The following CHRM3 variants were observed in gnomAD, a reference collection of about 807,000 sequenced individuals.
CHRM3 encodes cholinergic receptor muscarinic 3, also known as muscarinic acetylcholine receptor M3.
In CHRM3, 11 loss-of-function variants were observed where a neutral mutation model predicts 41.8. The observed-to-expected ratio is 0.26, with a 90% CI of 0.17 to 0.44. The LOEUF (loss-of-function observed/expected upper bound fraction) is 0.44. CHRM3 is among the 20% of genes least tolerant of loss of function. The probability of loss-of-function intolerance (pLI) is 1.00; values close to 1 mark genes in which losing one functional copy is unlikely to be tolerated. For missense variants in CHRM3, 571 were observed against 745.4 expected (o/e 0.77, Z 2.72); for synonymous variants, 297 against 301.4 (o/e 0.99, Z 0.15).
chr1:239,431,077 G>C (rs552788669), intron 1 of CHRM3, among the ~76,000 whole-genome samples: 1 of 152,202 alleles, frequency 6.6e-6, no homozygotes, highest in Non-Finnish European at 1.5e-5. Context: ...CTGTGAATGA[G>C]TGGAAAGGAC....
chr1:239,421,512 C>T (rs1395132313), intron 1 of CHRM3, among the ~76,000 whole-genome samples: 1 of 152,080 alleles, frequency 6.6e-6, no homozygotes, highest in Non-Finnish European at 1.5e-5. Flanking sequence ...ATTAAATCCC[C>T]CTTTAAAATG....
chr1:239,422,970 C>T lies in CHRM3; in HGVS notation c.-521+35743C>T, dbSNP rs552540260. 1.2e-4 allele frequency among the ~76,000 whole-genome samples: 19 copies of T among 152,074 alleles called. 1 individual carries two copies. The highest frequency in any genetic ancestry group is 7.2e-4 in the Admixed American group (11 of 15,276). Reference sequence around the variant, plus strand: ...GAAATAAAAGAATGATAGGAGAGGGCGGGCTTCAAAGATCCTAAGTTCTGA... The same window carrying T: ...GAAATAAAAGAATGATAGGAGAGGGTGGGCTTCAAAGATCCTAAGTTCTGA... On this transcript the variant is annotated intron_variant, in intron 1 of 6. Transcript: ENST00000676153.
intron 3 of CHRM3, among the ~76,000 whole-genome samples, chr1:239,606,931 G>A (rs1487302581): frequency 6.6e-6 from 1 of 151,972 alleles, no homozygotes; most frequent in Admixed American, 6.6e-5. Context: ...CCTGAAAGGG[G>A]GCCTATGTCC....
chr1:239,413,781 G>T (rs1017747891), intron 1 of CHRM3, among the ~76,000 whole-genome samples: 1 of 152,162 alleles, frequency 6.6e-6, no homozygotes, highest in East Asian at 1.9e-4. Context: ...ATAGTTCTGC[G>T]GTGTGGAGAA....
At chr1:239,551,487 G>A in intron 3 of CHRM3, among the ~76,000 whole-genome samples, 1 of 149,398 alleles carries the variant, frequency 6.7e-6, no homozygotes, top group East Asian at 2.0e-4. Flanking sequence ...GTAGATTTAA[G>A]CTATTTGTTT....
chr1:239,781,149 C>T lies in CHRM3; in HGVS notation c.-146-46103C>T, dbSNP rs185967169. ...TTGCCCATATACACAAAATAACTTT[C>T]TGGGATTTTGATTGGGATTGTATTG... On this transcript the variant is annotated intron_variant, in intron 5 of 6. Transcript: ENST00000676153. Among the ~76,000 whole-genome samples the T allele has an allele frequency of 2.7e-3, 413 of 152,194 alleles. 3 individuals carry two copies. The highest frequency in any genetic ancestry group is 9.5e-3 in the African/African-American group (396 of 41,554).
intron 6 of CHRM3, among the ~76,000 whole-genome samples, chr1:239,841,382 C>T (rs1006070679): frequency 2.6e-5 from 4 of 152,172 alleles, no homozygotes; most frequent in East Asian, 1.9e-4. Flanking sequence ...AGCAGAATTA[C>T]GTTCGTTACC....
chr1:239,451,657 T>G (rs1558234087), intron 1 of CHRM3, among the ~76,000 whole-genome samples: 1 of 152,162 alleles, frequency 6.6e-6, no homozygotes, highest in African/African-American at 2.4e-5. Context: ...ATTTCAAACT[T>G]TAATAAGATA....
Position 239,402,499 on chromosome 1 carries a change from C to T in CHRM3, c.-521+15272C>T, listed in dbSNP as rs542959662. Among the ~76,000 whole-genome samples the T allele has an allele frequency of 3.0e-4, 45 of 152,276 alleles. 1 individual carries two copies. The highest frequency in any genetic ancestry group is 6.8e-3 in the Middle Eastern group (2 of 294). ...AACAAGACCTACAATTTTACCTCTA[C>T]GTAACTTTTGATTCCATCTCCCTTT... On this transcript the variant is annotated intron_variant, in intron 1 of 6. Transcript: ENST00000676153.
intron 5 of CHRM3, among the ~76,000 whole-genome samples, chr1:239,724,119 G>T (rs563574158): frequency 3.3e-5 from 5 of 151,322 alleles, no homozygotes; most frequent in Admixed American, 1.3e-4. Context: ...GCCTTTTTTG[G>T]TCATGTTGTA....
chr1:239,492,946 A>T (rs1667649127), intron 2 of CHRM3, 139 bp downstream of exon 2: 1 of 152,206 alleles, frequency 6.6e-6, no homozygotes, highest in Non-Finnish European at 1.5e-5. Context: ...CTAACACTTC[A>T]ATATTATACT....
intron 2 of CHRM3, among the ~76,000 whole-genome samples, chr1:239,522,363 T>A (rs904361046): frequency 2.0e-5 from 3 of 152,206 alleles, no homozygotes; most frequent in African/African-American, 7.2e-5. Flanking sequence ...AGTGAGCCTC[T>A]TGGAAGCTGG....
chr1:239,616,214 T>C (rs1667615525), intron 3 of CHRM3, among the ~76,000 whole-genome samples: 1 of 152,242 alleles, frequency 6.6e-6, no homozygotes, highest in Non-Finnish European at 1.5e-5. Flanking sequence ...ATTCGTGTGG[T>C]TAAACCTAAA....
At chr1:239,879,722 TC>T (rs1482803389) in intron 6 of CHRM3, among the ~76,000 whole-genome samples, 1 of 152,164 alleles carries the variant, frequency 6.6e-6, no homozygotes, top group Non-Finnish European at 1.5e-5. Flanking sequence ...TTCTTGTCTC[TC>T]CAGTCCCCTT....
At chr1:239,789,034 C>T (rs753742904) in intron 5 of CHRM3, among the ~76,000 whole-genome samples, 21 of 152,158 alleles carry the variant, frequency 1.4e-4, no homozygotes, top group Non-Finnish European at 2.6e-4. Context: ...CCTGGTCAGG[C>T]GTCTTTTCTC....
At chr1:239,634,389 GAA>G (rs1340191485) in intron 4 of CHRM3, among the ~76,000 whole-genome samples, 2 of 142,692 alleles carry the variant, frequency 1.4e-5, no homozygotes, top group African/African-American at 5.2e-5. Context: ...AAGAAAGAAA[GAA>G]AGAAAGAAAG....
At chr1:239,775,892 C>T (rs1668048611) in intron 5 of CHRM3, among the ~76,000 whole-genome samples, 1 of 152,146 alleles carries the variant, frequency 6.6e-6, no homozygotes, top group African/African-American at 2.4e-5. Flanking sequence ...GAATGAAATT[C>T]AGCTGTAAGG....
chr1:239,585,073 A>ATG, intron 3 of CHRM3, among the ~76,000 whole-genome samples: 1 of 149,050 alleles, frequency 6.7e-6, no homozygotes. Flanking sequence ...ATATATATAT[A>ATG]TGTATACACA....
At chr1:239,657,179 T>C (rs972399153) in intron 4 of CHRM3, among the ~76,000 whole-genome samples, 1 of 152,188 alleles carries the variant, frequency 6.6e-6, no homozygotes, top group African/African-American at 2.4e-5. Flanking sequence ...ACATTTTATA[T>C]GCTAACATTA....
Sources: allele counts gnomAD v4.1 joint callset (sites outside exome capture counted in the v4.1 genomes callset), GRCh38; gene constraint gnomAD v4.1.1; transcripts MANE v1.5; gene names NCBI Gene and HGNC (gene_info 2026-07-23, HGNC 2026-07-21).